SACS: variants seen among roughly 807,000 people sequenced by gnomAD.
SACS encodes sacsin molecular chaperone.
In SACS, 197 loss-of-function variants were observed where a neutral mutation model predicts 348.0. The ratio of observed to expected loss-of-function variants is 0.57; its 90% CI spans 0.50 to 0.64. The LOEUF (loss-of-function observed/expected upper bound fraction) is 0.64, where lower values mean the gene tolerates loss of function less well. Among genes scored for constraint, SACS ranks in the 30% least tolerant of loss-of-function variants. SACS has a pLI of 0.00. For synonymous variants in SACS, 1,985 were observed against 1,910.6 expected (o/e 1.04, Z -1.02); for missense variants, 4,999 against 5,360.8 (o/e 0.93, Z 2.11).
intron 9 of SACS, among the ~76,000 whole-genome samples, chr13:23,350,015 C>T (rs892854913): frequency 3.9e-5 from 6 of 152,220 alleles, no homozygotes; most frequent in African/African-American, 4.8e-5. Flanking sequence ...CACACTAACA[C>T]GTATTTAGGG....
chr13:23,330,744 G>A lies in SACS; in HGVS notation c.13132C>T (p.Arg4378Ter), dbSNP rs747868017. ...LDQNADRASR[R>*]TFSTSASRFQ... is the part of the protein sequence containing the mutation. ...CGGGATGCTGAGGTTGAAAATGTTC[G>A]TCTGGAGGCCCTGTCTGCATTTTGA... The change falls in exon 10 of 10, where the codon CGA (arginine) becomes TGA (stop). Residue 4378 changes from arginine (R) to a stop codon, truncating the protein, a stop_gained. Coordinates refer to ENST00000382292, the MANE Select transcript of SACS (RefSeq NM_014363.6). LOFTEE classifies it high-confidence loss of function. The A allele has an allele frequency of 4.3e-6, 7 of 1,613,878 alleles. No homozygotes were observed. The highest frequency in any genetic ancestry group is 5.9e-6 in the Non-Finnish European group (7 of 1,179,888).
In SACS at chr13:23,341,022, G is replaced by A. The variant is rs765616876; in HGVS notation, c.2854C>T (p.His952Tyr). 9 of 1,613,992 alleles carry A rather than the reference G, an allele frequency of 5.6e-6. No individual in the cohort carries two copies. The South Asian group carries it at 7.7e-5, about 14-fold the overall frequency. ...AGATCTGCTGGGAGTTTGGCAGTAT[G>A]GTGTAAGACTTTACAACCTTTCAAT... ...TKLKGCKVLH[H>Y]TAKLPADLRL... Residue 952 changes from histidine to tyrosine, a missense_variant, in exon 10 of 10, where the codon CAT (histidine) becomes TAT (tyrosine). His to Tyr is a moderately conservative substitution (Grantham distance 83). Around this residue, in one of 6 missense-constraint regions of SACS, gnomAD observed 3,156 missense variants for 3,380.1 expected, o/e 0.93. Transcript: ENST00000382292.
In SACS at chr13:23,340,921, C is replaced by G; in HGVS notation, c.2955G>C (p.Gln985His). ...GCTTTAAGCAGCTAGTGGTCTTTAA[C>G]TGTTCTATTTTCAACATGTTTGCCA... ...IRLANMLKIE[Q>H]LKTTSCLKLV... Residue 985 changes from glutamine to histidine, a missense_variant, in exon 10 of 10, where the codon CAG becomes CAC. Around this residue, in one of 6 missense-constraint regions of SACS, gnomAD observed 3,156 missense variants for 3,380.1 expected, o/e 0.93. Coordinates refer to ENST00000382292, the MANE Select transcript of SACS (RefSeq NM_014363.6). The G allele has an allele frequency of 6.2e-7, 1 of 1,613,862 alleles. No homozygotes were observed. The highest frequency in any genetic ancestry group is 1.7e-4 in the Middle Eastern group (1 of 6,058).
chr13:23,332,495 AC>A lies in SACS; in HGVS notation c.11380del (p.Val3794LeufsTer4), dbSNP rs781519123. 1 of 1,613,954 alleles carries A rather than the reference AC, an allele frequency of 6.2e-7. No homozygotes were observed. The highest frequency in any genetic ancestry group is 2.2e-5 in the East Asian group (1 of 44,868). On this transcript the variant is annotated frameshift_variant, in exon 10 of 10. Transcript: ENST00000382292. LOFTEE classifies it high-confidence loss of function. ...KREFRFQLRG[V>X]AFVMVEDGWK... ...ACCATCTTCTACCATCACAAAAGCAACCCCTCGCAACTGAAAACGAAATTCC... is the reference window on the plus strand; with the variant it reads ...ACCATCTTCTACCATCACAAAAGCAACCCTCGCAACTGAAAACGAAATTCC...
Position 23,329,480 on chromosome 13 carries a change from G to A in SACS, c.*656C>T. The A allele has an allele frequency of 1.3e-6, 1 of 766,812 alleles. No individual in the cohort carries two copies. The highest frequency in any genetic ancestry group is 1.8e-5 in the Admixed American group (1 of 56,526). The allele number at this position is 766,812 out of a possible 1,614,324, so 47.5% of individuals were successfully genotyped here. A position where few individuals can be genotyped will look rare whatever the true frequency, so the allele number is the denominator to read the frequency against. On this transcript the variant is annotated 3_prime_UTR_variant, in exon 10 of 10. Coordinates refer to ENST00000382292, the MANE Select transcript of SACS (RefSeq NM_014363.6). ...TTCCGTTGCTATCTTCATCAAACAG[G>A]AAGCCTGTAAACATAAGATGTTAAA...
intron 2 of SACS, among the ~76,000 whole-genome samples, chr13:23,392,522 TAAC>T (rs1226843462): frequency 2.6e-5 from 4 of 152,202 alleles, no homozygotes; most frequent in Admixed American, 6.5e-5. Context: ...AAGGGAGTCA[TAAC>T]AACAATGGTT....
chr13:23,340,360 G>T lies in SACS; in HGVS notation c.3516C>A (p.Val1172=), dbSNP rs771148569. Residue 1172 remains valine (V), a synonymous_variant, in exon 10 of 10, where the codon GTC becomes GTA. Transcript: ENST00000382292. ...AGAGATTACAGAGATCTCCTTTCCA[G>T]ACCAAAGAGCCTGGATAATTTGGAG... ...ERPPNYPGSL[V]WKGDLCNLCA... is the part of the protein sequence containing the mutation. 1.2e-6 allele frequency: 2 copies of T among 1,613,840 alleles called. No individual in the cohort carries two copies. Among genetic ancestry groups the T allele is most frequent in the Non-Finnish European group, 1.7e-6 (2 of 1,179,968 alleles).
At chr13:23,362,824 G>A (rs187841315) in intron 6 of SACS, among the ~76,000 whole-genome samples, 6 of 152,176 alleles carry the variant, frequency 3.9e-5, no homozygotes, top group Non-Finnish European at 8.8e-5. Context: ...GACCTCAGGT[G>A]ATCCACCTGC....
chr13:23,368,125 A>G (rs1274102402), intron 5 of SACS, among the ~76,000 whole-genome samples: 1 of 152,100 alleles, frequency 6.6e-6, no homozygotes, highest in Non-Finnish European at 1.5e-5. Context: ...AGCCCTGCAC[A>G]ATGATCTACA....
rs1362136944 is a variant in SACS, at chr13:23,339,381, TATCA to T, written c.4491_4494del (p.Asp1498Ter). The T allele has an allele frequency of 6.2e-7, 1 of 1,612,964 alleles. No individual in the cohort carries two copies. The highest frequency in any genetic ancestry group is 1.3e-5 in the African/African-American group (1 of 74,986). ...TCTCTTATGTCCATATTTCTTCTCA[TATCA>T]ATCAAGAAACTGCATTCTGTTGCAT... On this transcript the variant is annotated frameshift_variant, in exon 10 of 10. Coordinates refer to ENST00000382292, the MANE Select transcript of SACS (RefSeq NM_014363.6). LOFTEE classifies it high-confidence loss of function.
chr13:23,362,224 A>G (rs1030976603), intron 6 of SACS, among the ~76,000 whole-genome samples: 5 of 152,194 alleles, frequency 3.3e-5, no homozygotes, highest in African/African-American at 9.7e-5. Flanking sequence ...AGTGCAGCAC[A>G]GAGGGACTCT....
chr13:23,398,363 T>C (rs1366689254), intron 2 of SACS, among the ~76,000 whole-genome samples: 2 of 151,186 alleles, frequency 1.3e-5, no homozygotes, highest in African/African-American at 4.9e-5. Context: ...TGAAACCCCA[T>C]CTCTACTAAA....
intron 2 of SACS, among the ~76,000 whole-genome samples, chr13:23,390,530 T>C (rs2137895132): frequency 6.6e-6 from 1 of 152,234 alleles, no homozygotes; most frequent in Admixed American, 6.5e-5. Context: ...GGACTAATTT[T>C]ATATTTAGTG....
chr13:23,410,148 A>C (rs572577954), intron 2 of SACS, among the ~76,000 whole-genome samples: 63 of 152,254 alleles, frequency 4.1e-4, no homozygotes, highest in Non-Finnish European at 6.8e-4. Flanking sequence ...GCAAGATAAC[A>C]TGTATGATGA....
At chr13:23,358,791 T>C (rs1870552433) in intron 6 of SACS, among the ~76,000 whole-genome samples, 2 of 152,190 alleles carry the variant, frequency 1.3e-5, no homozygotes, top group African/African-American at 4.8e-5. Flanking sequence ...GTGAAATTTG[T>C]TCTAAATAGT....
Position 23,336,847 on chromosome 13 carries a change from G to T in SACS, c.7029C>A (p.Pro2343=). 1 of 1,613,342 alleles carries T rather than the reference G, an allele frequency of 6.2e-7. No individual in the cohort carries two copies. Among genetic ancestry groups the T allele is most frequent in the Non-Finnish European group, 8.5e-7 (1 of 1,179,532 alleles). ...TKMSIIDKLK[P]FSFILVENAY... is the part of the protein sequence containing the mutation. The stretch of plus-strand genomic sequence containing the variant: ...CATTCTCAACTAGAATGAAGCTAAA[G>T]GGTTTTAACTTATCAATAATTGACA... The change falls in exon 10 of 10, where the codon CCC becomes CCA. Residue 2343 remains proline (P), a synonymous_variant. Coordinates refer to ENST00000382292, the MANE Select transcript of SACS (RefSeq NM_014363.6).
chr13:23,405,387 A>C (rs12583375), intron 2 of SACS, among the ~76,000 whole-genome samples: 1 of 151,826 alleles, frequency 6.6e-6, no homozygotes, highest in Non-Finnish European at 1.5e-5. Flanking sequence ...GACTCCTTAC[A>C]CCTTATACAA....
intron 2 of SACS, among the ~76,000 whole-genome samples, chr13:23,398,534 CAAAAAA>C (rs59868515): frequency 9.8e-6 from 1 of 102,202 alleles, no homozygotes; most frequent in South Asian, 3.2e-4. Flanking sequence ...AACTCCGTCT[CAAAAAA>C]AAAAAAAAAA....
Position 23,333,359 on chromosome 13 carries a change from C to T in SACS, c.10517G>A (p.Ser3506Asn). The change falls in exon 10 of 10, where the codon AGT (serine) becomes AAT (asparagine). Residue 3506 changes from serine (S) to asparagine (N), a missense_variant. By Grantham distance (46) the Ser-to-Asn change is conservative (BLOSUM62 1). Coordinates refer to ENST00000382292, the MANE Select transcript of SACS (RefSeq NM_014363.6). The stretch of plus-strand genomic sequence containing the variant: ...CTTAATCTCTGATAATTCCTCAGCA[C>T]TTGATAATCTATTCTTAAGGTAGAT... Reference protein sequence around the residue: ...HLIYLKNRLSSAEELSEIKEQ... With the variant: ...HLIYLKNRLSNAEELSEIKEQ... 2 of 1,597,854 alleles carry T rather than the reference C, an allele frequency of 1.3e-6. No individual in the cohort carries two copies. Among genetic ancestry groups the T allele is most frequent in the African/African-American group, 1.4e-5 (1 of 73,982 alleles).
Sources: gnomAD v4.1 joint callset for allele counts (sites outside exome capture counted in the v4.1 genomes callset) on GRCh38, gnomAD v4.1.1 for gene constraint, gnomAD v4.1.1 regional missense constraint, MANE v1.5 for transcripts, NCBI Gene and HGNC (gene_info 2026-07-23, HGNC 2026-07-21) for gene names.